Variants in ZMIZ1 observed in about 807,000 individuals in gnomAD.
ZMIZ1 encodes the protein zinc finger MIZ domain-containing protein 1.
ZMIZ1 carries 17 observed loss-of-function variants against 113.9 expected under a neutral mutation model. The observed-to-expected ratio is 0.15, with a 90% CI of 0.10 to 0.22. The LOEUF (loss-of-function observed/expected upper bound fraction) is 0.22. Ranked by LOEUF, ZMIZ1 falls within the 10% of genes least tolerant of loss-of-function variation. ZMIZ1 has a pLI of 1.00. For synonymous variants in ZMIZ1, 607 were observed against 603.1 expected, an observed-to-expected ratio of 1.01 and a Z score of -0.09; for missense variants, 1,059 against 1,477.8, an observed-to-expected ratio of 0.72 and a Z score of 4.65.
chr10:79,277,807 G>C (rs535923383), intron 8 of ZMIZ1, among the ~76,000 whole-genome samples: 1 of 152,322 alleles, frequency 6.6e-6, no homozygotes, highest in South Asian at 2.1e-4. Flanking sequence ...CGACAGCACC[G>C]AGGGATTGTC....
chr10:79,260,166 G>A (rs1851180555), intron 7 of ZMIZ1, among the ~76,000 whole-genome samples: 1 of 152,234 alleles, frequency 6.6e-6, no homozygotes, highest in Non-Finnish European at 1.5e-5. Flanking sequence ...TACCTGCAGT[G>A]CCCTGCCTTC....
intron 7 of ZMIZ1, among the ~76,000 whole-genome samples, chr10:79,254,891 A>C (rs1850781704): frequency 6.6e-6 from 1 of 152,192 alleles, no homozygotes; most frequent in Non-Finnish European, 1.5e-5. Context: ...GATGGCCCCC[A>C]TCCACTCTTG....
chr10:79,071,338 A>C (rs1842278994), intron 1 of ZMIZ1, among the ~76,000 whole-genome samples: 1 of 152,236 alleles, frequency 6.6e-6, no homozygotes, highest in Non-Finnish European at 1.5e-5. Flanking sequence ...CTGGTTACAC[A>C]GGGCAGGGCA....
At chr10:79,232,559 C>T (rs1173636309) in intron 7 of ZMIZ1, among the ~76,000 whole-genome samples, 1 of 152,080 alleles carries the variant, frequency 6.6e-6, no homozygotes, top group African/African-American at 2.4e-5. Context: ...AAGAGACTGA[C>T]ACAGGGTGGG....
chr10:79,085,381 A>C (rs901384467), intron 1 of ZMIZ1, among the ~76,000 whole-genome samples: 1 of 152,146 alleles, frequency 6.6e-6, no homozygotes, highest in East Asian at 1.9e-4. Flanking sequence ...CCAGGCCCGC[A>C]GTTGAGTTCC....
intron 2 of ZMIZ1, among the ~76,000 whole-genome samples, chr10:79,120,617 A>G (rs1844249072): frequency 1.3e-5 from 2 of 152,200 alleles, no homozygotes; most frequent in Non-Finnish European, 2.9e-5. Flanking sequence ...GGAAACAGGA[A>G]TCGTCCCTGT....
chr10:79,307,458 G>C lies in ZMIZ1; in HGVS notation c.2722G>C (p.Gly908Arg), dbSNP rs771038842. The C allele has an allele frequency of 2.5e-6, 4 of 1,612,748 alleles. No individual in the cohort carries two copies. Among genetic ancestry groups the C allele is most frequent in the Non-Finnish European group, 3.4e-6 (4 of 1,179,518 alleles). The change falls in exon 23 of 25, where the codon GGG (glycine) becomes CGG (arginine). Residue 908 changes from glycine (G) to arginine (R), a missense_variant. Coordinates refer to ENST00000334512, the MANE Select transcript of ZMIZ1 (RefSeq NM_020338.4). ...NFDFPHGNPG[G>R]TSMNDFMHGP... ...TGACTTCCCCCACGGGAACCCTGGAGGGACATCCATGAATGACTTCATGCA... is the reference window on the plus strand; with the variant it reads ...TGACTTCCCCCACGGGAACCCTGGACGGACATCCATGAATGACTTCATGCA...
chr10:79,239,985 C>T (rs1018877298), intron 7 of ZMIZ1, among the ~76,000 whole-genome samples: 22 of 151,070 alleles, frequency 1.5e-4, no homozygotes, highest in Admixed American at 5.3e-4. Context: ...CCTCCCCTTG[C>T]TCTCCCGAGC....
chr10:79,188,646 C>A (rs1050978351), intron 4 of ZMIZ1, among the ~76,000 whole-genome samples: 7 of 151,574 alleles, frequency 4.6e-5, no homozygotes, highest in African/African-American at 1.7e-4. Context: ...TCCCCTCCCC[C>A]AGTCTTTTAC....
intron 1 of ZMIZ1, among the ~76,000 whole-genome samples, chr10:79,097,878 T>C (rs751657874): frequency 1.3e-5 from 2 of 152,168 alleles, no homozygotes; most frequent in African/African-American, 2.4e-5. Flanking sequence ...TGGAGAGGCC[T>C]CAGCAGCACT....
In ZMIZ1 at chr10:79,206,953, G is replaced by A. The variant is rs2132675143; in HGVS notation, c.61-1383G>A. Among the ~76,000 whole-genome samples, 4 of 152,344 alleles carry A rather than the reference G, an allele frequency of 2.6e-5. No individual in the cohort carries two copies. The Middle Eastern group carries it at 0.01, about 389-fold the overall frequency. ...TCGCATGAACTACATTGTAGCAACA[G>A]TCACGGAACCTTAAGCGAAAGAAAT... is the stretch of plus-strand genomic sequence containing the variant. On this transcript the variant is annotated intron_variant, in intron 5 of 24. Transcript: ENST00000334512.
chr10:79,128,653 T>G (rs1183327987), intron 2 of ZMIZ1, among the ~76,000 whole-genome samples: 1 of 152,160 alleles, frequency 6.6e-6, no homozygotes, highest in East Asian at 1.9e-4. Flanking sequence ...GGGAAGGTCT[T>G]GAAGACCCAG....
intron 5 of ZMIZ1, 57 bp from the exon 6 acceptor site, chr10:79,208,279 C>A (rs1364015891): frequency 1.3e-5 from 20 of 1,517,762 alleles, no homozygotes; most frequent in Non-Finnish European, 1.7e-5. Context: ...CCCCCACACG[C>A]TGCCTGTGCT....
chr10:79,226,749 T>G (rs1032754864), intron 7 of ZMIZ1, among the ~76,000 whole-genome samples: 2 of 152,208 alleles, frequency 1.3e-5, no homozygotes, highest in Admixed American at 6.5e-5. Flanking sequence ...GTAAATACCT[T>G]GTAAATACCA....
chr10:79,238,453 C>A (rs1166022201), intron 7 of ZMIZ1, among the ~76,000 whole-genome samples: 1 of 152,192 alleles, frequency 6.6e-6, no homozygotes, highest in Admixed American at 6.5e-5. Flanking sequence ...CCCTGTCCCC[C>A]ACTCAGGTGG....
chr10:79,174,407 G>A (rs1199935806), intron 4 of ZMIZ1, among the ~76,000 whole-genome samples: 1 of 152,252 alleles, frequency 6.6e-6, no homozygotes, highest in Non-Finnish European at 1.5e-5. Flanking sequence ...AGAAGTGGCA[G>A]GTGGTGAGGC....
At chr10:79,074,507 T>G (rs141594155) in intron 1 of ZMIZ1, among the ~76,000 whole-genome samples, 1 of 152,368 alleles carries the variant, frequency 6.6e-6, no homozygotes, top group Non-Finnish European at 1.5e-5. Flanking sequence ...CTGCCTTGAC[T>G]GCCCAGGGCA....
At chr10:79,218,072 A>C (rs1848810779) in intron 7 of ZMIZ1, among the ~76,000 whole-genome samples, 1 of 152,218 alleles carries the variant, frequency 6.6e-6, no homozygotes, top group South Asian at 2.1e-4. Context: ...AGGGGCCACC[A>C]AGCTTTTTTC....
intron 3 of ZMIZ1, among the ~76,000 whole-genome samples, chr10:79,141,415 A>G (rs1845259484): frequency 6.6e-6 from 1 of 152,130 alleles, no homozygotes; most frequent in South Asian, 2.1e-4. Context: ...CACAGAGTCT[A>G]CAGTGTAAAG....
Sources: allele counts gnomAD v4.1 joint callset (sites outside exome capture counted in the v4.1 genomes callset), GRCh38; gene constraint gnomAD v4.1.1; transcripts MANE v1.5; gene names NCBI Gene and HGNC (gene_info 2026-07-23, HGNC 2026-07-21).